Variants in LRP1 observed in about 807,000 individuals in gnomAD.
LRP1 encodes prolow-density lipoprotein receptor-related protein 1.
Under a neutral mutation model 541.5 loss-of-function variants are expected in LRP1, and 51 were observed. That is an observed-to-expected ratio of 0.09 (90% CI 0.08 to 0.12). The LOEUF is 0.12. Ranked by LOEUF, LRP1 falls within the 10% of genes least tolerant of loss-of-function variation. The probability of loss-of-function intolerance (pLI) is 1.00; values close to 1 mark genes in which losing one functional copy is unlikely to be tolerated. For synonymous variants in LRP1, 2,219 were observed against 2,470.8 expected (o/e 0.90, Z 3.02); for missense variants, 3,878 against 6,376.2 (o/e 0.61, Z 13.34).
chr12:57,166,497 G>T, intron 17 of LRP1: 1 of 427,720 alleles, frequency 2.3e-6, no homozygotes, highest in Non-Finnish European at 4.2e-6. Flanking sequence ...GGAGGTTGAG[G>T]CTGCAGTGAG....
chr12:57,157,775 T>C (rs552395337), intron 10 of LRP1, among the ~76,000 whole-genome samples: 1 of 152,046 alleles, frequency 6.6e-6, no homozygotes, highest in African/African-American at 2.4e-5. Flanking sequence ...AAATCAACAG[T>C]GCAAAGGCCC....
At chr12:57,164,051 G>A (rs1245142685) in intron 15 of LRP1, among the ~76,000 whole-genome samples, 4 of 152,058 alleles carry the variant, frequency 2.6e-5, no homozygotes, top group Admixed American at 2.6e-4. Flanking sequence ...CACGCCTGTA[G>A]TCCCAGCTAT....
Position 57,183,200 on chromosome 12 carries a change from C to T in LRP1, c.5663-179C>T, listed in dbSNP as rs562439274. 6.6e-6 allele frequency among the ~76,000 whole-genome samples: 1 copy of T among 152,202 alleles called. No individual in the cohort carries two copies. Among genetic ancestry groups the T allele is most frequent in the East Asian group, 1.9e-4 (1 of 5,186 alleles). Reference sequence around the variant, plus strand: ...GTTCCCCAGAGCTACCAGCCAGGTGCGCTTCCTCCCGGCCCATGCTCTGGC... The same window carrying T: ...GTTCCCCAGAGCTACCAGCCAGGTGTGCTTCCTCCCGGCCCATGCTCTGGC... On this transcript the variant is annotated intron_variant, in intron 34 of 88. Coordinates refer to ENST00000243077, the MANE Select transcript of LRP1 (RefSeq NM_002332.3). This position sits in a 1 kb window ranked among gnomAD's most constrained non-coding sequence, Gnocchi z 6.1.
At chr12:57,133,678 G>A (rs2035089410) in intron 1 of LRP1, among the ~76,000 whole-genome samples, 1 of 124,796 alleles carries the variant, frequency 8.0e-6, no homozygotes, top group Non-Finnish European at 1.6e-5. Context: ...TGTTCCCTTA[G>A]CTATATCATG....
At position 57,162,175 on chromosome 12, in the gene LRP1, C is replaced by A; in HGVS notation, c.2203-142C>A. On this transcript the variant is annotated intron_variant, in intron 13 of 88. Transcript: ENST00000243077. This position sits in a 1 kb window ranked among gnomAD's most constrained non-coding sequence, Gnocchi z 5.2. ...CATCCCACTGTGTGCAAAACTATCACTCTCTGGGGCTCCCAGGCTAATGGG... is the reference window on the plus strand; with the variant it reads ...CATCCCACTGTGTGCAAAACTATCAATCTCTGGGGCTCCCAGGCTAATGGG... 1.4e-6 allele frequency: 1 copy of A among 730,154 alleles called. No homozygotes were observed. The highest frequency in any genetic ancestry group is 2.4e-6 in the Non-Finnish European group (1 of 416,326). The allele number at this position is 730,154 out of a possible 1,614,324, so 45.2% of individuals were successfully genotyped here. A position where few individuals can be genotyped will look rare whatever the true frequency, so the allele number is the denominator to read the frequency against.
chr12:57,162,338 C>G lies in LRP1; in HGVS notation c.2224C>G (p.Leu742Val). Residue 742 changes from leucine (L) to valine (V), a missense_variant, in exon 14 of 89, where the codon CTG becomes GTG. By Grantham distance (32) the Leu-to-Val change is conservative. Around this residue, in one of 13 missense-constraint regions of LRP1, gnomAD observed 496 missense variants for 861.0 expected, o/e 0.58. Coordinates refer to ENST00000243077, the MANE Select transcript of LRP1 (RefSeq NM_002332.3). The surrounding 1 kb of genome is among the most constrained non-coding windows in gnomAD (Gnocchi z 5.2). ...CTAGATTGTGTATGAAGGTCCTGAG[C>G]TGAACCACGCCTTTGGCCTGTGTCA... ...DRKIVYEGPE[L>V]NHAFGLCHHG... The G allele has an allele frequency of 1.2e-6, 2 of 1,614,182 alleles. No individual in the cohort carries two copies. The highest frequency in any genetic ancestry group is 2.2e-5 in the South Asian group (2 of 91,080).
chr12:57,177,054 C>T lies in LRP1; in HGVS notation c.4005C>T (p.Phe1335=), dbSNP rs1444741504. ...KLLDNGALTS[F]EVVIQYGLAT... ...TCTCTTCTCCAGCCCTGACTAGTTT[C>T]GAGGTGGTGATTCAGTATGGCCTGG... Residue 1335 remains phenylalanine, a synonymous_variant, in exon 25 of 89, where the codon TTC becomes TTT. Transcript: ENST00000243077. This position sits in a 1 kb window ranked among gnomAD's most constrained non-coding sequence, Gnocchi z 6.8. 1.2e-5 allele frequency: 20 copies of T among 1,613,964 alleles called. No homozygotes were observed. The highest frequency in any genetic ancestry group is 2.2e-5 in the South Asian group (2 of 91,056).
Position 57,190,826 on chromosome 12 carries a change from G to T in LRP1, c.7053G>T (p.Trp2351Cys). The change falls in exon 43 of 89, where the codon TGG (tryptophan) becomes TGT (cysteine). Residue 2351 changes from tryptophan (W) to cysteine (C), a missense_variant. This residue lies in a region of LRP1 where 1,100 missense variants were observed against 1,827.4 expected (regional missense o/e 0.60). Transcript: ENST00000243077. ...ECQNLMFWTN[W>C]NEQHPSIMRA... is the part of the protein sequence containing the mutation. The stretch of plus-strand genomic sequence containing the variant: ...CCAGCCTCATGTTCTGGACCAACTG[G>T]AATGAGCAGCATCCCAGCATCATGC... 1 of 1,613,902 alleles carries T rather than the reference G, an allele frequency of 6.2e-7. No homozygotes were observed. The highest frequency in any genetic ancestry group is 1.1e-5 in the South Asian group (1 of 91,084).
chr12:57,198,156 G>T lies in LRP1; in HGVS notation c.9283G>T (p.Val3095Phe). The T allele has an allele frequency of 6.2e-7, 1 of 1,607,488 alleles. No individual in the cohort carries two copies. The highest frequency in any genetic ancestry group is 8.5e-7 in the Non-Finnish European group (1 of 1,176,368). ...RMHLNGSNVQ[V>F]LHRTGLSNPD... is the part of the protein sequence containing the mutation. ...CTCCCTCCCCTGCCCCTTCCTGCAGGTCCTACACCGTACAGGCCTCAGCAA... is the reference window on the plus strand; with the variant it reads ...CTCCCTCCCCTGCCCCTTCCTGCAGTTCCTACACCGTACAGGCCTCAGCAA... The change falls in exon 59 of 89, where the codon GTC becomes TTC. Residue 3095 changes from valine to phenylalanine, a missense_variant and splice_region_variant. Physicochemically the swap from Val to Phe is conservative, Grantham distance 50. Transcript: ENST00000243077.
intron 3 of LRP1, among the ~76,000 whole-genome samples, chr12:57,143,381 C>T (rs958283997): frequency 6.6e-6 from 1 of 152,230 alleles, no homozygotes; most frequent in African/African-American, 2.4e-5. Flanking sequence ...TTGACCCCAA[C>T]AAAGTGCCAG....
rs2036735313 is a variant in LRP1, at chr12:57,204,785, G to C, written c.11194+36G>C. The C allele has an allele frequency of 6.2e-7, 1 of 1,612,038 alleles. No individual in the cohort carries two copies. The highest frequency in any genetic ancestry group is 1.7e-5 in the Admixed American group (1 of 59,982). On this transcript the variant is annotated intron_variant, in intron 72 of 88. Transcript: ENST00000243077. The surrounding 1 kb of genome is among the most constrained non-coding windows in gnomAD (Gnocchi z 5.3). ...GGCCGACGAGAGGCCTGCAGGGGAC[G>C]GGTAGTGCACAGTGGGGTGAGTCTG...
rs150845737 is a variant in LRP1, at chr12:57,210,046, C to T, written c.12457C>T (p.Arg4153Cys). 106 of 1,610,796 alleles carry T rather than the reference C, an allele frequency of 6.6e-5. No individual in the cohort carries two copies. Among genetic ancestry groups the T allele is most frequent in the Non-Finnish European group, 8.7e-5 (102 of 1,178,266 alleles). The change falls in exon 81 of 89, where the codon CGC becomes TGC. Residue 4153 changes from arginine to cysteine, a missense_variant. Physicochemically the swap from Arg to Cys is radical, Grantham distance 180 (BLOSUM62 -3). Around this residue, in one of 13 missense-constraint regions of LRP1, gnomAD observed 871 missense variants for 1,212.4 expected, o/e 0.72. Transcript: ENST00000243077. ...KQPEVTNPCDRKKCEWLCLLS... is the reference protein window; with the variant it reads ...KQPEVTNPCDCKKCEWLCLLS... ...ACCTGCAGTGACCAACCCATGTGAC[C>T]GCAAGAAATGCGAGTGGCTCTGCCT... is the stretch of plus-strand genomic sequence containing the variant.
In LRP1 at chr12:57,198,622, G is replaced by A. The variant is rs769969579; in HGVS notation, c.9628G>A (p.Glu3210Lys). The A allele has an allele frequency of 5.6e-6, 9 of 1,613,152 alleles. No homozygotes were observed. Among genetic ancestry groups the A allele is most frequent in the Admixed American group, 5.0e-5 (3 of 59,960 alleles). ...GCGCATCTACTGGGCCGACGCCCGC[G>A]AGGACTACATTGAATTTGCCAGCCT... is the stretch of plus-strand genomic sequence containing the variant. ...TERIYWADAR[E>K]DYIEFASLDG... is the part of the protein sequence containing the mutation. Residue 3210 changes from glutamate (E) to lysine (K), a missense_variant, in exon 60 of 89, where the codon GAG becomes AAG. Physicochemically the swap from Glu to Lys is moderately conservative, Grantham distance 56 (BLOSUM62 1). Around this residue, in one of 13 missense-constraint regions of LRP1, gnomAD observed 1,100 missense variants for 1,827.4 expected, o/e 0.60. Coordinates refer to ENST00000243077, the MANE Select transcript of LRP1 (RefSeq NM_002332.3).
At position 57,203,448 on chromosome 12, in the gene LRP1, C is replaced by A; in HGVS notation, c.10878C>A (p.Ile3626=). The change falls in exon 70 of 89, where the codon ATC becomes ATA. Residue 3626 remains isoleucine, a synonymous_variant. Transcript: ENST00000243077. ...DQFQCKSGHC[I]PLRWRCDADA... ...TCCAGTGCAAGAGCGGCCACTGCAT[C>A]CCCCTGCGCTGGCGCTGTGACGCAG... 4 of 1,604,272 alleles carry A rather than the reference C, an allele frequency of 2.5e-6. No homozygotes were observed. The highest frequency in any genetic ancestry group is 2.2e-5 in the South Asian group (2 of 89,544).
chr12:57,194,828 C>T, intron 50 of LRP1, 129 bp downstream of exon 50: 1 of 1,286,210 alleles, frequency 7.8e-7, no homozygotes, highest in Non-Finnish European at 1.1e-6. Flanking sequence ...CACCCCAACT[C>T]TTGAGGTCAG....
chr12:57,209,875 G>A lies in LRP1; in HGVS notation c.12439+7G>A. ...CAGCACAAGCAGCCCGAAGGTGGGGGCAGAGGGGAGCCTGGGCTGGGGAAG... is the reference window on the plus strand; with the variant it reads ...CAGCACAAGCAGCCCGAAGGTGGGGACAGAGGGGAGCCTGGGCTGGGGAAG... On this transcript the variant is annotated splice_region_variant and intron_variant, in intron 80 of 88. Coordinates refer to ENST00000243077, the MANE Select transcript of LRP1 (RefSeq NM_002332.3). The A allele has an allele frequency of 6.2e-7, 1 of 1,612,394 alleles. No individual in the cohort carries two copies. The highest frequency in any genetic ancestry group is 8.5e-7 in the Non-Finnish European group (1 of 1,179,096).
chr12:57,166,217 G>C lies in LRP1; in HGVS notation c.2797+8G>C. 1 of 1,597,012 alleles carries C rather than the reference G, an allele frequency of 6.3e-7. No individual in the cohort carries two copies. The highest frequency in any genetic ancestry group is 1.1e-5 in the South Asian group (1 of 88,908). Reference sequence around the variant, plus strand: ...CCAATGCCACTTGTTCAGGTGTGGAGCGGGGCTCAGATCACACGAGGCACC... The same window carrying C: ...CCAATGCCACTTGTTCAGGTGTGGACCGGGGCTCAGATCACACGAGGCACC... On this transcript the variant is annotated splice_region_variant and intron_variant, in intron 17 of 88. Transcript: ENST00000243077.
At chr12:57,190,533 T>G (rs2036356316) in intron 42 of LRP1, among the ~76,000 whole-genome samples, 1 of 152,214 alleles carries the variant, frequency 6.6e-6, no homozygotes, top group South Asian at 2.1e-4. Flanking sequence ...ACCGGCTCTC[T>G]TCTCAGCAAG....
Position 57,176,063 on chromosome 12 carries a change from G to A in LRP1, c.3948G>A (p.Val1316=). 1 of 1,614,218 alleles carries A rather than the reference G, an allele frequency of 6.2e-7. No homozygotes were observed. Among genetic ancestry groups the A allele is most frequent in the Non-Finnish European group, 8.5e-7 (1 of 1,180,046 alleles). ...LSQSALYWTD[V]VEDKIYRGKL... ...AGAGCGCCCTCTACTGGACCGACGT[G>A]GTGGAGGACAAGATCTACCGCGGGA... Residue 1316 remains valine, a synonymous_variant, in exon 24 of 89, where the codon GTG becomes GTA. Coordinates refer to ENST00000243077, the MANE Select transcript of LRP1 (RefSeq NM_002332.3).
Sources: allele counts gnomAD v4.1 joint callset (sites outside exome capture counted in the v4.1 genomes callset), GRCh38; gene constraint gnomAD v4.1.1; regional missense constraint gnomAD v4.1.1; non-coding constraint Gnocchi (gnomAD v3.1); transcripts MANE v1.5; gene names NCBI Gene and HGNC (gene_info 2026-07-23, HGNC 2026-07-21).